ZDHHC13: variants seen among roughly 807,000 people sequenced by gnomAD.
The protein encoded by ZDHHC13 is zDHHC palmitoyltransferase 13, also known as palmitoyltransferase ZDHHC13.
In ZDHHC13, 85 loss-of-function variants were observed where a neutral mutation model predicts 86.0. The ratio of observed to expected loss-of-function variants is 0.99; its 90% CI spans 0.83 to 1.18. The LOEUF is 1.18. ZDHHC13 is among the 50% of genes most tolerant of loss of function. The pLI, the probability that ZDHHC13 is intolerant of heterozygous loss-of-function variation, is 0.00. For synonymous variants in ZDHHC13, 263 were observed against 246.4 expected, an observed-to-expected ratio of 1.07 and a Z score of -0.63; for missense variants, 711 against 730.2, an observed-to-expected ratio of 0.97 and a Z score of 0.30.
intron 2 of ZDHHC13, 44 bp from the exon 3 acceptor site, chr11:19,146,137 T>A (rs983598953): frequency 4.6e-6 from 7 of 1,511,190 alleles, no homozygotes; most frequent in Non-Finnish European, 1.8e-6. Flanking sequence ...ATATTTGAAA[T>A]GATTTTAATT....
intron 1 of ZDHHC13, among the ~76,000 whole-genome samples, chr11:19,140,545 A>G (rs1403082298): frequency 1.3e-5 from 2 of 152,164 alleles, no homozygotes; most frequent in Non-Finnish European, 2.9e-5. Flanking sequence ...ATACCATTTG[A>G]CCCAGCCATC....
chr11:19,152,830 C>A, intron 8 of ZDHHC13, 146 bp downstream of exon 8: 1 of 1,312,958 alleles, frequency 7.6e-7, no homozygotes, highest in Non-Finnish European at 1.0e-6. Flanking sequence ...CATCCTATTA[C>A]CCAAAGTTGG....
rs753632533 is a variant in ZDHHC13 at position 19,176,007 on chromosome 11, C to T, written c.*47C>T. On this transcript the variant is annotated 3_prime_UTR_variant, in exon 17 of 17. Transcript: ENST00000446113. Reference sequence around the variant, plus strand: ...CAATCTGATTTGTTTTTGTTTATGTCGATGCCCTGTAGTTTGAAAGTGAAG... The same window carrying T: ...CAATCTGATTTGTTTTTGTTTATGTTGATGCCCTGTAGTTTGAAAGTGAAG... The T allele has an allele frequency of 2.1e-5, 33 of 1,560,338 alleles. No individual in the cohort carries two copies. In the African/African-American group the frequency reaches 2.4e-4, roughly 11 times the overall value.
rs1850362530 is a variant in ZDHHC13, at chr11:19,176,296, T to C, written c.*336T>C. The C allele has an allele frequency of 6.1e-6, 1 of 162,718 alleles. No individual in the cohort carries two copies. Among genetic ancestry groups the C allele is most frequent in the Non-Finnish European group, 1.3e-5 (1 of 75,242 alleles). 10.1% of individuals were successfully genotyped at this position (162,718 alleles called of 1,614,324 possible). ...ATTGGCTGTTTCAAAATAGTACTAT[T>C]CTTTAAACTTGTAATTTTTGCTAAG... On this transcript the variant is annotated 3_prime_UTR_variant, in exon 17 of 17. Transcript: ENST00000446113.
chr11:19,143,743 G>A (rs1189256477), intron 2 of ZDHHC13, among the ~76,000 whole-genome samples: 2 of 152,092 alleles, frequency 1.3e-5, no homozygotes, highest in African/African-American at 4.8e-5. Context: ...TCCATATGTG[G>A]GTATTTGCAT....
At chr11:19,140,234 C>T (rs1460537218) in intron 1 of ZDHHC13, among the ~76,000 whole-genome samples, 10 of 151,858 alleles carry the variant, frequency 6.6e-5, no homozygotes. Context: ...AAACAAACAA[C>T]CCCATCAAAA....
intron 10 of ZDHHC13, among the ~76,000 whole-genome samples, chr11:19,161,831 C>T (rs114661284): frequency 4.5e-4 from 69 of 152,120 alleles, no homozygotes; most frequent in Middle Eastern, 6.8e-3. Context: ...AGGAACGAGG[C>T]GCTGTGACTA....
intron 10 of ZDHHC13, among the ~76,000 whole-genome samples, chr11:19,162,102 C>A (rs1849927666): frequency 6.6e-6 from 1 of 152,108 alleles, no homozygotes; most frequent in Non-Finnish European, 1.5e-5. Context: ...CTTCCAATTT[C>A]AAGTGTTTGG....
chr11:19,168,369 C>T (rs889268970), intron 14 of ZDHHC13: 5 of 152,192 alleles, frequency 3.3e-5, no homozygotes, highest in Non-Finnish European at 7.3e-5. Flanking sequence ...CTATGACCAG[C>T]ATAAGACTGT....
chr11:19,155,645 C>T, intron 8 of ZDHHC13, 151 bp from the exon 9 acceptor site: 1 of 529,574 alleles, frequency 1.9e-6, no homozygotes, highest in Non-Finnish European at 2.9e-6. Flanking sequence ...TCAAATTTAT[C>T]AATCAGCAAT....
chr11:19,133,491 C>T (rs955363918), intron 1 of ZDHHC13, among the ~76,000 whole-genome samples: 1 of 151,698 alleles, frequency 6.6e-6, no homozygotes, highest in Non-Finnish European at 1.5e-5. Context: ...GGGAACAGTC[C>T]AAATATCCAG....
At position 19,164,951 on chromosome 11, in the gene ZDHHC13, G is replaced by C. The variant is rs1008898059; in HGVS notation, c.1297-101G>C. ...TGAATTGATGGTCTGTTTAGGATTTGTGCCAATGCCTCTGTGACCTAAAGT... is the reference window on the plus strand; with the variant it reads ...TGAATTGATGGTCTGTTTAGGATTTCTGCCAATGCCTCTGTGACCTAAAGT... On this transcript the variant is annotated intron_variant, in intron 12 of 16. Coordinates refer to ENST00000446113, the MANE Select transcript of ZDHHC13 (RefSeq NM_019028.3). 3 of 875,340 alleles carry C rather than the reference G, an allele frequency of 3.4e-6. No homozygotes were observed. In the African/African-American group the frequency reaches 5.0e-5, roughly 15 times the overall value. The allele number at this position is 875,340 out of a possible 1,614,324, so 54.2% of individuals were successfully genotyped here.
At chr11:19,166,719 GAAAA>G (rs11341471) in intron 14 of ZDHHC13, 28 of 144,954 alleles carry the variant, frequency 1.9e-4, no homozygotes, top group South Asian at 6.5e-4. Flanking sequence ...AATAAAACAG[GAAAA>G]AAAAAAAAAA....
intron 1 of ZDHHC13, among the ~76,000 whole-genome samples, chr11:19,131,509 C>T (rs984533085): frequency 1.3e-5 from 2 of 152,032 alleles, no homozygotes; most frequent in African/African-American, 2.4e-5. Context: ...CATCTTCAGT[C>T]GTCTTCTCTC....
chr11:19,166,282 T>C lies in ZDHHC13; in HGVS notation c.1391-20T>C. 6.3e-7 allele frequency: 1 copy of C among 1,589,640 alleles called. No homozygotes were observed. The highest frequency in any genetic ancestry group is 8.6e-7 in the Non-Finnish European group (1 of 1,169,230). ...GAAGAAACGAAAATATTAAGTATGTTTTTTTTCTTTTTTCTTGAGGTTTTG... is the reference window on the plus strand; with the variant it reads ...GAAGAAACGAAAATATTAAGTATGTCTTTTTTCTTTTTTCTTGAGGTTTTG... On this transcript the variant is annotated intron_variant, in intron 13 of 16. Coordinates refer to ENST00000446113, the MANE Select transcript of ZDHHC13 (RefSeq NM_019028.3).
chr11:19,163,545 A>G (rs1849971586), intron 11 of ZDHHC13, 118 bp downstream of exon 11: 3 of 1,073,798 alleles, frequency 2.8e-6, no homozygotes, highest in African/African-American at 1.6e-5. Context: ...GTGGGGTGAT[A>G]TAGCAAAAAT....
At position 19,170,457 on chromosome 11, in the gene ZDHHC13, G is replaced by A. The variant is rs757115916; in HGVS notation, c.1521G>A (p.Trp507Ter). The A allele has an allele frequency of 6.5e-7, 1 of 1,526,778 alleles. No homozygotes were observed. Among genetic ancestry groups the A allele is most frequent in the Non-Finnish European group, 8.8e-7 (1 of 1,136,372 alleles). The allele number at this position is 1,526,778 out of a possible 1,614,324, so 94.6% of individuals were successfully genotyped here. A position where few individuals can be genotyped will look rare whatever the true frequency, so the allele number is the denominator to read the frequency against. The part of the protein sequence containing the change: ...CATTFKEDGL[W>*]TYLNQIVACS... ...CAACATTCAAAGAAGATGGATTATG[G>A]ACTTACCTCAATCAGATTGTGGCCT... Residue 507 changes from tryptophan (W) to a stop codon, truncating the protein, a stop_gained, in exon 15 of 17, where the codon TGG becomes TGA. Transcript: ENST00000446113. LOFTEE classifies it high-confidence loss of function.
chr11:19,122,316 A>G (rs541930093), intron 1 of ZDHHC13, among the ~76,000 whole-genome samples: 1 of 152,290 alleles, frequency 6.6e-6, no homozygotes, highest in Non-Finnish European at 1.5e-5. Flanking sequence ...CCAAGGGGGT[A>G]CTGACTTGTC....
intron 1 of ZDHHC13, among the ~76,000 whole-genome samples, chr11:19,139,611 A>G (rs1590069426): frequency 1.3e-5 from 2 of 151,408 alleles, no homozygotes; most frequent in African/African-American, 4.9e-5. Context: ...CGCCAAGTCA[A>G]TCCTAAGCCA....
Sources: gnomAD v4.1 joint callset for allele counts (sites outside exome capture counted in the v4.1 genomes callset) on GRCh38, gnomAD v4.1.1 for gene constraint, MANE v1.5 for transcripts, NCBI Gene and HGNC (gene_info 2026-07-23, HGNC 2026-07-21) for gene names.